ADARB1: variants seen among roughly 807,000 people sequenced by gnomAD.
ADARB1 encodes the protein double-stranded RNA-specific editase 1.
A neutral mutation model predicts 52.4 loss-of-function variants in ADARB1; 10 were observed. That is an observed-to-expected ratio of 0.19 (90% CI 0.12 to 0.32). The LOEUF (loss-of-function observed/expected upper bound fraction) is 0.32, where lower values mean the gene tolerates loss of function less well. Among genes scored for constraint, ADARB1 ranks in the 10% least tolerant of loss-of-function variants. ADARB1 has a pLI of 1.00. For missense variants in ADARB1, 643 were observed against 922.3 expected (o/e 0.70, Z 3.92); for synonymous variants, 349 against 371.1 (o/e 0.94, Z 0.68).
intron 1 of ADARB1, among the ~76,000 whole-genome samples, chr21:45,119,483 A>G (rs1457546543): frequency 2.0e-5 from 3 of 152,246 alleles, no homozygotes; most frequent in Non-Finnish European, 4.4e-5. Context: ...CAACATTATC[A>G]AAGAATCGGG....
chr21:45,125,897 C>T (rs2088546475), intron 1 of ADARB1, among the ~76,000 whole-genome samples: 1 of 152,222 alleles, frequency 6.6e-6, no homozygotes, highest in Admixed American at 6.5e-5. Flanking sequence ...CTCTCCCTGA[C>T]TTGTTCAGGT....
intron 2 of ADARB1, among the ~76,000 whole-genome samples, chr21:45,161,274 G>T (rs1250423659): frequency 6.6e-6 from 1 of 152,240 alleles, no homozygotes; most frequent in South Asian, 2.1e-4. Flanking sequence ...CACAGCTGCA[G>T]CCGTCCATTA....
chr21:45,149,864 T>C (rs1462988156), intron 2 of ADARB1, among the ~76,000 whole-genome samples: 1 of 152,220 alleles, frequency 6.6e-6, no homozygotes. Flanking sequence ...GTGTTTACAG[T>C]TTTTAAAGAG....
chr21:45,132,726 C>G (rs1390797551), intron 2 of ADARB1, among the ~76,000 whole-genome samples: 1 of 152,192 alleles, frequency 6.6e-6, no homozygotes, highest in Non-Finnish European at 1.5e-5. Context: ...CAAATTCTTA[C>G]TGAACCTATG....
chr21:45,119,301 G>T (rs1418320264), intron 1 of ADARB1, among the ~76,000 whole-genome samples: 2 of 152,162 alleles, frequency 1.3e-5, no homozygotes, highest in African/African-American at 2.4e-5. Context: ...GTGTTGCCCA[G>T]ACTGGTCTCG....
Position 45,204,488 on chromosome 21 carries a change from G to C in ADARB1, c.1566-67G>C. The C allele has an allele frequency of 6.6e-7, 1 of 1,526,598 alleles. No homozygotes were observed. The highest frequency in any genetic ancestry group is 9.0e-7 in the Non-Finnish European group (1 of 1,112,400). The allele number at this position is 1,526,598 out of a possible 1,614,324, so 94.6% of individuals were successfully genotyped here. A position where few individuals can be genotyped will look rare whatever the true frequency, so the allele number is the denominator to read the frequency against. ...CCAGTGCATCCCTGTAACCACGCAG[G>C]CTTGGGCTGGGCTGCGTCGACACTG... On this transcript the variant is annotated intron_variant, in intron 8 of 10. Coordinates refer to ENST00000348831, the MANE Select transcript of ADARB1 (RefSeq NM_001112.4). The surrounding 1 kb of genome is among the most constrained non-coding windows in gnomAD (Gnocchi z 4.4).
At chr21:45,167,476 G>A (rs899404627) in intron 2 of ADARB1, among the ~76,000 whole-genome samples, 1 of 152,186 alleles carries the variant, frequency 6.6e-6, no homozygotes, top group East Asian at 1.9e-4. Context: ...TGAAGGCTGG[G>A]TGCGGTGACT....
intron 4 of ADARB1, among the ~76,000 whole-genome samples, chr21:45,178,357 C>T (rs1263738034): frequency 5.3e-5 from 8 of 152,258 alleles, no homozygotes; most frequent in East Asian, 1.9e-4. Context: ...AGCCCCCTGA[C>T]GCCACGTTCC....
rs1015467006 is a variant in ADARB1 at position 45,225,745 on chromosome 21, T to C, written c.*3548T>C. On this transcript the variant is annotated 3_prime_UTR_variant, in exon 11 of 11. Coordinates refer to ENST00000348831, the MANE Select transcript of ADARB1 (RefSeq NM_001112.4). ...AGGCATAAAGAAGGAAAATTGGCCA[T>C]CTTTCCCACCTCTAAATTCTGTAAA... 2.4e-6 allele frequency: 1 copy of C among 423,692 alleles called. No individual in the cohort carries two copies. 26.2% of individuals were successfully genotyped at this position (423,692 alleles called of 1,614,324 possible). A position where few individuals can be genotyped will look rare whatever the true frequency, so the allele number is the denominator to read the frequency against.
At chr21:45,206,148 A>G (rs899871763) in intron 9 of ADARB1, among the ~76,000 whole-genome samples, 6 of 152,228 alleles carry the variant, frequency 3.9e-5, no homozygotes, top group Non-Finnish European at 7.3e-5. Flanking sequence ...CATGATTCAG[A>G]AAATTTCCCT....
chr21:45,225,210 C>G lies in ADARB1; in HGVS notation c.*3013C>G. On this transcript the variant is annotated 3_prime_UTR_variant, in exon 11 of 11. Transcript: ENST00000348831. ...GAGGTCTCAGGTGGGGCGGTGTGTT[C>G]TGTGCCATGAGGCAGCGACAGGTCC... is the stretch of plus-strand genomic sequence containing the variant. 9.3e-7 allele frequency: 1 copy of G among 1,071,732 alleles called. No homozygotes were observed. Among genetic ancestry groups the G allele is most frequent in the Non-Finnish European group, 1.1e-6 (1 of 886,832 alleles). 66.4% of individuals were successfully genotyped at this position (1,071,732 alleles called of 1,614,324 possible).
intron 1 of ADARB1, among the ~76,000 whole-genome samples, chr21:45,093,065 C>T (rs1016370945): frequency 1.3e-5 from 2 of 152,118 alleles, no homozygotes; most frequent in Non-Finnish European, 2.9e-5. Context: ...CCCCACCCCA[C>T]CCCCAAATAT....
rs2091889340 is a variant in ADARB1, at chr21:45,180,431, C to T, written c.1065C>T (p.Val355=). ...PHARRKVLAG[V]VMTTGTDVKD... ...CTCGCAGAAAAGTGCTGGCTGGAGT[C>T]GTCATGACAACAGGTAACCATCTTG... The change falls in exon 5 of 11, where the codon GTC becomes GTT. Residue 355 remains valine, a synonymous_variant. Transcript: ENST00000348831. 4 of 1,613,596 alleles carry T rather than the reference C, an allele frequency of 2.5e-6. No homozygotes were observed. The highest frequency in any genetic ancestry group is 2.7e-5 in the African/African-American group (2 of 75,014).
chr21:45,217,290 C>A (rs568245087), intron 9 of ADARB1, among the ~76,000 whole-genome samples: 167 of 152,030 alleles, frequency 1.1e-3, no homozygotes, highest in Non-Finnish European at 2.0e-3. Flanking sequence ...ACTTTTTCCT[C>A]ATTTTCTTAC....
At chr21:45,195,008 G>A (rs1168872331) in intron 8 of ADARB1, among the ~76,000 whole-genome samples, 1 of 152,218 alleles carries the variant, frequency 6.6e-6, no homozygotes, top group Non-Finnish European at 1.5e-5. Context: ...GTCCTTCAAA[G>A]TGGCTGCACT....
At chr21:45,206,638 A>G (rs1455119201) in intron 9 of ADARB1, among the ~76,000 whole-genome samples, 1 of 123,836 alleles carries the variant, frequency 8.1e-6, no homozygotes, top group Non-Finnish European at 1.6e-5. Flanking sequence ...CAGTGGCGTG[A>G]TCTTGGCTCA....
chr21:45,173,658 T>G (rs1011208522), intron 3 of ADARB1, among the ~76,000 whole-genome samples: 1 of 151,256 alleles, frequency 6.6e-6, no homozygotes, highest in Non-Finnish European at 1.5e-5. Context: ...AGTCAAAATG[T>G]AAGCAGTAAT....
At position 45,142,132 on chromosome 21, in the gene ADARB1, G is replaced by A. The variant is rs563064107; in HGVS notation, c.-48+13559G>A. Among the ~76,000 whole-genome samples the A allele has an allele frequency of 1.6e-3, 237 of 152,318 alleles. 3 individuals carry two copies. The highest frequency in any genetic ancestry group is 5.5e-3 in the African/African-American group (230 of 41,570). Reference sequence around the variant, plus strand: ...CCCTGGGTTACCTGAGCCACCCTTGGTCACTGTCTGTGGGTGCTTGCTTGC... The same window carrying A: ...CCCTGGGTTACCTGAGCCACCCTTGATCACTGTCTGTGGGTGCTTGCTTGC... On this transcript the variant is annotated intron_variant, in intron 2 of 10. Coordinates refer to ENST00000348831, the MANE Select transcript of ADARB1 (RefSeq NM_001112.4). This position sits in a 1 kb window ranked among gnomAD's most constrained non-coding sequence, Gnocchi z 4.0.
chr21:45,080,806 A>AT (rs960067185), intron 1 of ADARB1, among the ~76,000 whole-genome samples: 36 of 152,182 alleles, frequency 2.4e-4, no homozygotes, highest in African/African-American at 6.5e-4. Flanking sequence ...TCAGTTTTGC[A>AT]TTTAAGACGA....
Sources: gnomAD v4.1 joint callset for allele counts (sites outside exome capture counted in the v4.1 genomes callset) on GRCh38, gnomAD v4.1.1 for gene constraint, Gnocchi (gnomAD v3.1) non-coding constraint, MANE v1.5 for transcripts, NCBI Gene and HGNC (gene_info 2026-07-23, HGNC 2026-07-21) for gene names.